RFWD3: variants seen among roughly 807,000 people sequenced by gnomAD.
The protein encoded by RFWD3 is ring finger and WD repeat domain 3.
A neutral mutation model predicts 87.7 loss-of-function variants in RFWD3; 65 were observed. That is an observed-to-expected ratio of 0.74 (90% CI 0.61 to 0.91). RFWD3 has a LOEUF of 0.91. Among genes scored for constraint, RFWD3 ranks in the 40% least tolerant of loss-of-function variants. The pLI is 0.00. For synonymous variants in RFWD3, 433 were observed against 352.8 expected, an observed-to-expected ratio of 1.23 and a Z score of -2.55; for missense variants, 1,078 against 938.5, an observed-to-expected ratio of 1.15 and a Z score of -1.94.
At chr16:74,635,137 G>A (rs1192400209) in intron 8 of RFWD3, among the ~76,000 whole-genome samples, 3 of 151,940 alleles carry the variant, frequency 2.0e-5, no homozygotes, top group Admixed American at 6.6e-5. Context: ...AAAATTAGCT[G>A]GGTGTGGTGG....
At position 74,644,610 on chromosome 16, in the gene RFWD3, G is replaced by T; in HGVS notation, c.918C>A (p.Arg306=). 5 of 1,614,200 alleles carry T rather than the reference G, an allele frequency of 3.1e-6. No individual in the cohort carries two copies. Among genetic ancestry groups the T allele is most frequent in the Non-Finnish European group, 4.2e-6 (5 of 1,180,054 alleles). ...ACCTATACCCAAAGAGATGCCCACA[G>T]CGTAATGCTGAGAGCCGGTGGTCCC... The part of the protein sequence containing the change: ...NAGDHRLSAL[R]CGHLFGYRCI... The change falls in exon 5 of 13, where the codon CGC becomes CGA. Residue 306 remains arginine (R), a synonymous_variant. Transcript: ENST00000361070.
chr16:74,659,090 CTTCTGTTTGGCTCTCTAGTGG>C (rs987004366), intron 2 of RFWD3, among the ~76,000 whole-genome samples: 8 of 152,112 alleles, frequency 5.3e-5, no homozygotes, highest in African/African-American at 1.9e-4. Flanking sequence ...TAGAGTTTGG[CTTCTGTTTGGCTCTCTAGTGG>C]TTCTGTTTTT....
intron 2 of RFWD3, among the ~76,000 whole-genome samples, chr16:74,659,016 G>A (rs1167143289): frequency 6.6e-6 from 1 of 152,104 alleles, no homozygotes; most frequent in Non-Finnish European, 1.5e-5. Context: ...TGCCTTGGCC[G>A]CTCAAAGTTC....
At position 74,624,085 on chromosome 16, in the gene RFWD3, G is replaced by GC; in HGVS notation, c.2182-15dup. On this transcript the variant is annotated splice_polypyrimidine_tract_variant and intron_variant, in intron 12 of 12. Transcript: ENST00000361070. ...AGCATCCCACAGCTAAAGAACACAA[G>GC]CAGAGGGAAGGGTCAGGAGTCAGTC... 6.2e-7 allele frequency: 1 copy of GC among 1,612,932 alleles called. No homozygotes were observed.
intron 3 of RFWD3, among the ~76,000 whole-genome samples, chr16:74,649,658 A>G (rs1351861824): frequency 6.6e-6 from 1 of 152,168 alleles, no homozygotes; most frequent in African/African-American, 2.4e-5. Flanking sequence ...CTCCAATACC[A>G]CTAAATATCC....
At chr16:74,624,648 T>A (rs1298429983) in intron 12 of RFWD3, among the ~76,000 whole-genome samples, 2 of 152,142 alleles carry the variant, frequency 1.3e-5, no homozygotes, top group Non-Finnish European at 2.9e-5. Flanking sequence ...CCACCCACCT[T>A]GGCCTCCCAA....
intron 7 of RFWD3, 112 bp downstream of exon 7, chr16:74,637,744 T>C: frequency 1.4e-6 from 1 of 739,734 alleles, no homozygotes; most frequent in Non-Finnish European, 2.3e-6. Flanking sequence ...TCATGTTCAT[T>C]TCCTAAACAA....
chr16:74,653,907 T>G (rs1315904630), intron 2 of RFWD3, among the ~76,000 whole-genome samples: 1 of 152,160 alleles, frequency 6.6e-6, no homozygotes, highest in African/African-American at 2.4e-5. Flanking sequence ...TTTTGACCTC[T>G]TAAAAAAAGA....
chr16:74,654,679 G>T (rs1960830351), intron 2 of RFWD3, among the ~76,000 whole-genome samples: 1 of 152,170 alleles, frequency 6.6e-6, no homozygotes, highest in African/African-American at 2.4e-5. Flanking sequence ...CAAAAGCTGG[G>T]ATAGGCCAGA....
chr16:74,658,061 G>C (rs1961138857), intron 2 of RFWD3, among the ~76,000 whole-genome samples: 2 of 152,166 alleles, frequency 1.3e-5, no homozygotes. Flanking sequence ...AAGGGGAACT[G>C]TGAAAACCAA....
intron 12 of RFWD3, among the ~76,000 whole-genome samples, chr16:74,624,686 C>G (rs566746851): frequency 2.6e-5 from 4 of 152,296 alleles, no homozygotes; most frequent in South Asian, 4.1e-4. Flanking sequence ...CGTGAGCCAC[C>G]GCGTCTGGCC....
chr16:74,659,149 G>A (rs1961232612), intron 2 of RFWD3, among the ~76,000 whole-genome samples: 1 of 152,080 alleles, frequency 6.6e-6, no homozygotes, highest in African/African-American at 2.4e-5. Flanking sequence ...TGGTTTATAA[G>A]TGTCACCCTT....
intron 8 of RFWD3, 94 bp downstream of exon 8, chr16:74,636,252 G>T: frequency 9.1e-7 from 1 of 1,098,278 alleles, no homozygotes; most frequent in Non-Finnish European, 1.3e-6. Context: ...AAGGTGATTT[G>T]GTAACCTTTG....
intron 3 of RFWD3, among the ~76,000 whole-genome samples, chr16:74,650,876 CA>C (rs963550351): frequency 5.8e-5 from 8 of 138,000 alleles, no homozygotes; most frequent in African/African-American, 2.2e-4. Context: ...AACCCTGTCT[CA>C]AAAAAAACAA....
chr16:74,634,649 A>G lies in RFWD3; in HGVS notation c.1426+1697T>C, dbSNP rs904389053. Among the ~76,000 whole-genome samples the G allele has an allele frequency of 3.3e-5, 5 of 152,090 alleles. No individual in the cohort carries two copies. In the East Asian group the frequency reaches 7.7e-4, roughly 23 times the overall value. On this transcript the variant is annotated intron_variant, in intron 8 of 12. Coordinates refer to ENST00000361070, the MANE Select transcript of RFWD3 (RefSeq NM_018124.4). ...AACGATCCTCCCGCCTTGGCCTCCC[A>G]AAGTGCTGGGATTACAGTCATGAGC...
intron 1 of RFWD3, among the ~76,000 whole-genome samples, chr16:74,664,027 C>T (rs1182071933): frequency 6.6e-6 from 1 of 152,208 alleles, no homozygotes; most frequent in African/African-American, 2.4e-5. Flanking sequence ...GTTTGAACCA[C>T]ACAGGCTTAC....
chr16:74,665,166 G>C (rs899654250), intron 1 of RFWD3: 2 of 152,310 alleles, frequency 1.3e-5, no homozygotes, highest in African/African-American at 4.8e-5. Flanking sequence ...TCTTTGCTCT[G>C]GCCGGTGCAG....
In RFWD3 at chr16:74,622,671, ACTGTTAAGCCATTTT is replaced by A. The variant is rs1175711479; in HGVS notation, c.*1242_*1256del. The A allele has an allele frequency of 5.3e-5, 8 of 152,134 alleles. No individual in the cohort carries two copies. The highest frequency in any genetic ancestry group is 1.9e-4 in the African/African-American group (8 of 41,414). 9.4% of individuals were successfully genotyped at this position (152,134 alleles called of 1,614,324 possible). On this transcript the variant is annotated 3_prime_UTR_variant, in exon 13 of 13. Coordinates refer to ENST00000361070, the MANE Select transcript of RFWD3 (RefSeq NM_018124.4). Reference sequence around the variant, plus strand: ...TTCAATAATCATTTGAGAAAATCAGACTGTTAAGCCATTTTCTCCCATGAACAGGACACTGACCTG... The same window carrying A: ...TTCAATAATCATTTGAGAAAATCAGACTCCCATGAACAGGACACTGACCTG...
intron 7 of RFWD3, 21 bp downstream of exon 7, chr16:74,637,835 G>T: frequency 6.4e-7 from 1 of 1,569,004 alleles, no homozygotes; most frequent in South Asian, 1.1e-5. Context: ...AAGTTCTTTG[G>T]ATTAGAAAGG....
Sources: gnomAD v4.1 joint callset for allele counts (sites outside exome capture counted in the v4.1 genomes callset) on GRCh38, gnomAD v4.1.1 for gene constraint, MANE v1.5 for transcripts, NCBI Gene and HGNC (gene_info 2026-07-23, HGNC 2026-07-21) for gene names.